Variants in DNASE1 observed in about 807,000 individuals in gnomAD.
The protein encoded by DNASE1 is deoxyribonuclease-1.
In DNASE1, 40 loss-of-function variants were observed where a neutral mutation model predicts 33.9. The ratio of observed to expected loss-of-function variants is 1.18; its 90% CI spans 0.92 to 1.54. The LOEUF is 1.54. DNASE1 is among the 40% of genes most tolerant of loss of function. DNASE1 has a pLI of 0.00. For synonymous variants in DNASE1, 216 were observed against 160.0 expected (o/e 1.35, Z -2.64); for missense variants, 518 against 372.6 (o/e 1.39, Z -3.21).
rs1363477348 is a variant in DNASE1 at position 3,657,071 on chromosome 16, A to G, written c.509A>G (p.Tyr170Cys). The G allele has an allele frequency of 3.7e-6, 6 of 1,613,918 alleles. No individual in the cohort carries two copies. In the African/African-American group the frequency reaches 5.3e-5, roughly 14 times the overall value. The change falls in exon 6 of 9, where the codon TAT becomes TGT. Residue 170 changes from tyrosine to cysteine, a missense_variant. Tyr to Cys is a radical substitution (Grantham distance 194, BLOSUM62 -2). Transcript: ENST00000246949. ...GDAVAEIDALYDVYLDVQEKW... is the reference protein window; with the variant it reads ...GDAVAEIDALCDVYLDVQEKW... ...GCAGTAGCCGAGATCGACGCTCTCT[A>G]TGACGTCTACCTGGATGTCCAAGAG...
intron 1 of DNASE1, among the ~76,000 whole-genome samples, chr16:3,622,337 G>T (rs1054669388): frequency 1.3e-5 from 2 of 151,674 alleles, no homozygotes; most frequent in African/African-American, 4.8e-5. Context: ...TACTATTTCA[G>T]CGGTTAAAAA....
upstream of DNASE1, among the ~76,000 whole-genome samples, chr16:3,639,997 G>A (rs578034883): frequency 1.3e-5 from 2 of 152,294 alleles, no homozygotes; most frequent in East Asian, 3.9e-4. Context: ...TGGAAGCAGC[G>A]ATCCTTTAGA....
At position 3,663,385 on chromosome 16, in the gene DNASE1, G is replaced by A. The variant is rs748692036; in HGVS notation, c.*5432G>A. ...GGGGCAGGAGAGGCGTGCGGGGAGT[G>A]GAAACCAGCCCCACGCCTAGAGAGC... On this transcript the variant is annotated 3_prime_UTR_variant, in exon 10 of 10. Transcript: ENST00000407479. The A allele has an allele frequency of 1.9e-6, 3 of 1,612,384 alleles. No homozygotes were observed. The South Asian group carries it at 3.3e-5, about 18-fold the overall frequency.
At chr16:3,655,718 C>A in intron 2 of DNASE1, 131 bp from the exon 3 acceptor site, 1 of 1,400,112 alleles carries the variant, frequency 7.1e-7, no homozygotes, top group Non-Finnish European at 1.0e-6. Context: ...GCAGCAGGAG[C>A]CCAGGCAGAA....
upstream of DNASE1, among the ~76,000 whole-genome samples, chr16:3,639,582 C>G (rs2041972211): frequency 6.6e-6 from 1 of 152,192 alleles, no homozygotes; most frequent in South Asian, 2.1e-4. Context: ...AGTTACCTCC[C>G]TTTACTCTAG....
At position 3,655,369 on chromosome 16, in the gene DNASE1, C is replaced by T. The variant is rs1223942965; in HGVS notation, c.-1-4C>T. The T allele has an allele frequency of 1.2e-6, 2 of 1,613,988 alleles. No homozygotes were observed. Among genetic ancestry groups the T allele is most frequent in the Non-Finnish European group, 1.7e-6 (2 of 1,180,042 alleles). On this transcript the variant is annotated splice_polypyrimidine_tract_variant and splice_region_variant and intron_variant, in intron 1 of 8. Transcript: ENST00000246949. Reference sequence around the variant, plus strand: ...TTATGTCTCTGTGCCCTGTGCTCTCCCAGGATGAGGGGCATGAAGCTGCTG... The same window carrying T: ...TTATGTCTCTGTGCCCTGTGCTCTCTCAGGATGAGGGGCATGAAGCTGCTG...
intron 1 of DNASE1, among the ~76,000 whole-genome samples, chr16:3,632,010 T>A (rs2041715771): frequency 1.3e-5 from 2 of 152,246 alleles, no homozygotes; most frequent in African/African-American, 4.8e-5. Flanking sequence ...TGCTTCTTTA[T>A]AGCTTCATCT....
chr16:3,636,690 C>T (rs1282785023), intron 1 of DNASE1, among the ~76,000 whole-genome samples: 1 of 151,646 alleles, frequency 6.6e-6, no homozygotes, highest in Admixed American at 6.6e-5. Flanking sequence ...CATGGTGGCA[C>T]ACGCCCGTAA....
intron 1 of DNASE1, among the ~76,000 whole-genome samples, chr16:3,645,843 G>T (rs2042157542): frequency 6.6e-6 from 1 of 152,190 alleles, no homozygotes; most frequent in East Asian, 1.9e-4. Context: ...GCGCAACCAG[G>T]CTGGGGCGCA....
chr16:3,643,573 G>A (rs1455709099), intron 1 of DNASE1, among the ~76,000 whole-genome samples: 1 of 152,142 alleles, frequency 6.6e-6, no homozygotes, highest in Non-Finnish European at 1.5e-5. Context: ...CCCTGTCGGG[G>A]GACATGTCCA....
chr16:3,647,086 T>C (rs2042195269), intron 1 of DNASE1, among the ~76,000 whole-genome samples: 1 of 152,156 alleles, frequency 6.6e-6, no homozygotes, highest in Admixed American at 6.5e-5. Flanking sequence ...GAGTGTTTCC[T>C]AAGCAGGCGT....
Position 3,628,716 on chromosome 16 carries a change from G to A in DNASE1, c.-1358-11999G>A, listed in dbSNP as rs544806558. Among the ~76,000 whole-genome samples the A allele has an allele frequency of 2.6e-5, 4 of 151,104 alleles. No homozygotes were observed. The South Asian group carries it at 6.3e-4, about 24-fold the overall frequency. On this transcript the variant is annotated intron_variant and NMD_transcript_variant, in intron 1 of 11. Transcript: ENST00000570769. ...TGGGACTATAGGCGCCCGCCACCACGCCCGGCTAATTTTTTTGTATTTTTA... is the reference window on the plus strand; with the variant it reads ...TGGGACTATAGGCGCCCGCCACCACACCCGGCTAATTTTTTTGTATTTTTA...
At chr16:3,652,216 C>G (rs916897510), upstream of DNASE1, 1 of 152,358 alleles carries the variant, frequency 6.6e-6, no homozygotes, top group African/African-American at 2.4e-5. Flanking sequence ...GAGGGGATGA[C>G]AGACCAGAGG....
At chr16:3,631,618 A>G (rs1214633165) in intron 1 of DNASE1, among the ~76,000 whole-genome samples, 2 of 152,062 alleles carry the variant, frequency 1.3e-5, no homozygotes, top group Non-Finnish European at 2.9e-5. Flanking sequence ...TCTACCTCCC[A>G]GGTTCAAGGG....
upstream of DNASE1, among the ~76,000 whole-genome samples, chr16:3,638,548 C>T (rs1278305022): frequency 1.3e-5 from 2 of 152,194 alleles, no homozygotes; most frequent in African/African-American, 4.8e-5. Flanking sequence ...CCGTGTTAGC[C>T]AGGATGGTCT....
chr16:3,629,980 A>T (rs933778352), intron 1 of DNASE1, among the ~76,000 whole-genome samples: 2 of 151,904 alleles, frequency 1.3e-5, no homozygotes, highest in Non-Finnish European at 1.5e-5. Context: ...TGCGCGGCTA[A>T]TTTTTGTATT....
At chr16:3,664,246 G>A (rs1567223809) in exon 10 of DNASE1, 4 of 1,530,984 alleles carry the variant, frequency 2.6e-6, no homozygotes, top group Non-Finnish European at 3.5e-6. Context: ...GCAGCCCCCG[G>A]AGCCCGCCCC....
downstream of DNASE1, chr16:3,661,052 A>G (rs940308745): frequency 6.6e-6 from 1 of 152,212 alleles, no homozygotes; most frequent in Non-Finnish European, 1.5e-5. Flanking sequence ...AAATTGCTAC[A>G]TTCAAAATTT....
At chr16:3,624,987 T>G (rs1019971583) in intron 1 of DNASE1, among the ~76,000 whole-genome samples, 1 of 152,160 alleles carries the variant, frequency 6.6e-6, no homozygotes, top group Admixed American at 6.5e-5. Flanking sequence ...TGAGCCATCA[T>G]GCCCAGCCTG....
Sources: gnomAD v4.1 joint callset for allele counts (sites outside exome capture counted in the v4.1 genomes callset) on GRCh38, gnomAD v4.1.1 for gene constraint, MANE v1.5 for transcripts, NCBI Gene and HGNC (gene_info 2026-07-23, HGNC 2026-07-21) for gene names.